Variants in ENKUR observed in about 807,000 individuals in gnomAD.
ENKUR encodes enkurin.
ENKUR carries 19 observed loss-of-function variants against 27.6 expected under a neutral mutation model. The ratio of observed to expected loss-of-function variants is 0.69; its 90% CI spans 0.48 to 1.01. The LOEUF (loss-of-function observed/expected upper bound fraction) is 1.01, where lower values mean the gene tolerates loss of function less well. Ranked by LOEUF, ENKUR falls within the 50% of genes least tolerant of loss-of-function variation. The pLI is 0.00. For synonymous variants in ENKUR, 117 were observed against 96.9 expected, an observed-to-expected ratio of 1.21 and a Z score of -1.22; for missense variants, 312 against 310.5, an observed-to-expected ratio of 1.00 and a Z score of -0.04.
intron 2 of ENKUR, among the ~76,000 whole-genome samples, chr10:25,042,904 T>C (rs994987108): frequency 2.2e-4 from 34 of 152,192 alleles, no homozygotes; most frequent in African/African-American, 7.2e-4. Context: ...GTGCATGATC[T>C]GAACTTAATC....
intron 2 of ENKUR, among the ~76,000 whole-genome samples, chr10:25,044,848 T>C (rs2130476598): frequency 6.6e-6 from 1 of 152,374 alleles, no homozygotes; most frequent in East Asian, 1.9e-4. Flanking sequence ...ATCAGCCAAG[T>C]ATTTAAAGGT....
chr10:25,016,114 G>C lies in ENKUR; in HGVS notation c.-178C>G. 2 of 1,280,552 alleles carry C rather than the reference G, an allele frequency of 1.6e-6. No homozygotes were observed. Among genetic ancestry groups the C allele is most frequent in the African/African-American group, 3.0e-5 (2 of 65,642 alleles). The allele number at this position is 1,280,552 out of a possible 1,614,324, so 79.3% of individuals were successfully genotyped here. A position where few individuals can be genotyped will look rare whatever the true frequency, so the allele number is the denominator to read the frequency against. On this transcript the variant is annotated 5_prime_UTR_variant, in exon 1 of 6. Transcript: ENST00000331161. ...CCTCTTAGCAGTCCTCTCTCGGGAA[G>C]AAAACACCCTATTTCTCTCCGGATT...
In ENKUR at chr10:24,982,187, C is replaced by T. The variant is rs1264549755; in HGVS notation, c.*2183G>A. ...CAGTGCTATAAAGGAAGGCCAGATT[C>T]TGAGGAATCAAAGGGGATTGTCATG... On this transcript the variant is annotated 3_prime_UTR_variant, in exon 6 of 6. Transcript: ENST00000331161. The T allele has an allele frequency of 6.6e-6, 1 of 152,170 alleles. No homozygotes were observed. Among genetic ancestry groups the T allele is most frequent in the African/African-American group, 2.4e-5 (1 of 41,424 alleles). 9.4% of individuals were successfully genotyped at this position (152,170 alleles called of 1,614,324 possible).
chr10:25,061,812 T>G (rs1336529636), intron 1 of ENKUR, among the ~76,000 whole-genome samples: 1 of 152,156 alleles, frequency 6.6e-6, no homozygotes, highest in Non-Finnish European at 1.5e-5. Context: ...GTCTCTTCAG[T>G]CTGAGAAGTT....
intron 4 of ENKUR, among the ~76,000 whole-genome samples, chr10:24,988,958 C>A (rs994132387): frequency 1.3e-5 from 2 of 151,726 alleles, no homozygotes; most frequent in African/African-American, 4.8e-5. Context: ...CTCCCTGGCT[C>A]ATAAGGCGTC....
At chr10:25,002,019 G>A (rs1296268788) in intron 1 of ENKUR, among the ~76,000 whole-genome samples, 2 of 151,764 alleles carry the variant, frequency 1.3e-5, no homozygotes, top group African/African-American at 4.8e-5. Flanking sequence ...CTTTTTTCTG[G>A]GATTCAGTTA....
intron 2 of ENKUR, among the ~76,000 whole-genome samples, chr10:25,049,654 G>C (rs898838736): frequency 1.6e-4 from 25 of 152,084 alleles, no homozygotes; most frequent in Admixed American, 1.4e-3. Context: ...CAGATGTGGT[G>C]GCACATGCCT....
chr10:24,986,813 G>GT (rs1422931562), intron 4 of ENKUR, among the ~76,000 whole-genome samples: 1 of 152,086 alleles, frequency 6.6e-6, no homozygotes, highest in Admixed American at 6.6e-5. Context: ...ACTTTAAGAG[G>GT]TTTTTTCATT....
intron 1 of ENKUR, among the ~76,000 whole-genome samples, chr10:25,005,899 T>C (rs1274987575): frequency 6.6e-6 from 1 of 152,256 alleles, no homozygotes; most frequent in Non-Finnish European, 1.5e-5. Context: ...GTAGTTAATG[T>C]ATTCATCTAC....
chr10:25,044,431 C>T (rs1406630738), intron 2 of ENKUR, among the ~76,000 whole-genome samples: 2 of 152,124 alleles, frequency 1.3e-5, no homozygotes, highest in African/African-American at 4.8e-5. Context: ...GCGTTTCACT[C>T]GGTCACCCAG....
intron 2 of ENKUR, among the ~76,000 whole-genome samples, chr10:25,057,385 A>G (rs1469354535): frequency 1.5e-5 from 1 of 65,344 alleles, no homozygotes; most frequent in Non-Finnish European, 3.0e-5. Flanking sequence ...TTTGGTACAC[A>G]CACACACACA....
intron 2 of ENKUR, among the ~76,000 whole-genome samples, chr10:25,044,457 C>T (rs1320664718): frequency 6.6e-6 from 1 of 152,124 alleles, no homozygotes; most frequent in Non-Finnish European, 1.5e-5. Context: ...AGTGCAATGG[C>T]ACAGTCTCAG....
chr10:24,988,083 G>A (rs1048653457), intron 4 of ENKUR, among the ~76,000 whole-genome samples: 4 of 151,602 alleles, frequency 2.6e-5, no homozygotes, highest in Admixed American at 6.6e-5. Context: ...AATTAGGTGG[G>A]CGTGGTGGTG....
At chr10:25,051,525 G>A (rs953763661) in intron 2 of ENKUR, among the ~76,000 whole-genome samples, 4 of 152,178 alleles carry the variant, frequency 2.6e-5, no homozygotes, top group Non-Finnish European at 4.4e-5. Context: ...GAGCAGGCAT[G>A]TCACTGTGAA....
At chr10:24,997,815 A>AT (rs1850098672) in intron 2 of ENKUR, among the ~76,000 whole-genome samples, 1 of 151,334 alleles carries the variant, frequency 6.6e-6, no homozygotes, top group African/African-American at 2.4e-5. Flanking sequence ...ATTTATATAT[A>AT]TATATATATA....
At chr10:25,046,855 A>G (rs1241486410) in intron 2 of ENKUR, among the ~76,000 whole-genome samples, 1 of 152,234 alleles carries the variant, frequency 6.6e-6, no homozygotes. Flanking sequence ...GCTTTGTTGA[A>G]TGGTGGCTGT....
At chr10:25,061,007 C>T (rs1228395248) in intron 2 of ENKUR, 18 of 1,103,186 alleles carry the variant, frequency 1.6e-5, no homozygotes, top group Non-Finnish European at 2.2e-5. Context: ...AGCCACTGGG[C>T]CTGGCCCTTA....
intron 2 of ENKUR, among the ~76,000 whole-genome samples, chr10:25,033,286 C>A (rs1159643375): frequency 6.6e-6 from 1 of 151,604 alleles, no homozygotes. Flanking sequence ...TGTCAGTAGT[C>A]CCAGCTATTT....
chr10:25,049,031 C>T (rs779403483), intron 2 of ENKUR, among the ~76,000 whole-genome samples: 9 of 152,060 alleles, frequency 5.9e-5, no homozygotes, highest in Admixed American at 3.3e-4. Context: ...GCTTTGAAGT[C>T]GTGATGCCTT....
Sources: gnomAD v4.1 joint callset for allele counts (sites outside exome capture counted in the v4.1 genomes callset) on GRCh38, gnomAD v4.1.1 for gene constraint, MANE v1.5 for transcripts, NCBI Gene and HGNC (gene_info 2026-07-23, HGNC 2026-07-21) for gene names.